SVOPL: variants seen among roughly 807,000 people sequenced by gnomAD.
The protein encoded by SVOPL is putative transporter SVOPL.
SVOPL carries 60 observed loss-of-function variants against 61.0 expected under a neutral mutation model. That is an observed-to-expected ratio of 0.98 (90% CI 0.80 to 1.22). The LOEUF (loss-of-function observed/expected upper bound fraction) is 1.22, where lower values mean the gene tolerates loss of function less well. SVOPL is among the 50% of genes most tolerant of loss of function. SVOPL has a pLI of 0.00. For missense variants in SVOPL, 662 were observed against 643.9 expected, an observed-to-expected ratio of 1.03 and a Z score of -0.30; for synonymous variants, 279 against 250.0, an observed-to-expected ratio of 1.12 and a Z score of -1.09.
chr7:138,625,682 T>C (rs944920143), intron 13 of SVOPL, among the ~76,000 whole-genome samples: 2 of 152,244 alleles, frequency 1.3e-5, no homozygotes, highest in African/African-American at 4.8e-5. Context: ...TGCAACATGT[T>C]GCTACCTATT....
chr7:138,630,443 A>C (rs1413610358), intron 9 of SVOPL, among the ~76,000 whole-genome samples: 1 of 152,186 alleles, frequency 6.6e-6, no homozygotes, highest in Non-Finnish European at 1.5e-5. Context: ...AAACATGAAA[A>C]GTGACTGTGA....
intron 13 of SVOPL, among the ~76,000 whole-genome samples, chr7:138,621,974 G>GTATC (rs1563095819): frequency 5.3e-3 from 39 of 7,370 alleles, no homozygotes; most frequent in African/African-American, 0.016. Flanking sequence ...ATCTATCTAT[G>GTATC]TATCTATCTA....
chr7:138,692,736 G>C (rs1416106737), intron 1 of SVOPL, among the ~76,000 whole-genome samples: 2 of 152,090 alleles, frequency 1.3e-5, no homozygotes, highest in Non-Finnish European at 2.9e-5. Context: ...GAGTGAGCAA[G>C]ATTTACATGG....
chr7:138,653,122 G>A (rs915222672), intron 7 of SVOPL, among the ~76,000 whole-genome samples: 2 of 152,214 alleles, frequency 1.3e-5, no homozygotes, highest in African/African-American at 4.8e-5. Flanking sequence ...AAGAGAGGTG[G>A]GGAAGCTGCT....
intron 1 of SVOPL, among the ~76,000 whole-genome samples, chr7:138,686,335 G>T (rs140225107): frequency 3.2e-4 from 48 of 151,418 alleles, no homozygotes; most frequent in African/African-American, 1.0e-3. Flanking sequence ...CCCCGGGGGG[G>T]GCGGAGGTTG....
intron 9 of SVOPL, among the ~76,000 whole-genome samples, chr7:138,637,935 G>C (rs1800576370): frequency 6.6e-6 from 1 of 152,050 alleles, no homozygotes; most frequent in Non-Finnish European, 1.5e-5. Context: ...CTGGCCAAGA[G>C]AGCGAGCCTC....
intron 9 of SVOPL, among the ~76,000 whole-genome samples, chr7:138,639,124 A>T (rs886199894): frequency 6.6e-6 from 1 of 151,968 alleles, no homozygotes; most frequent in Non-Finnish European, 1.5e-5. Flanking sequence ...GCATGGTGGC[A>T]TATGCCTGTA....
At chr7:138,610,104 G>A (rs901050359) in intron 14 of SVOPL, among the ~76,000 whole-genome samples, 1 of 152,164 alleles carries the variant, frequency 6.6e-6, no homozygotes, top group African/African-American at 2.4e-5. Flanking sequence ...TAACTGAAAA[G>A]TAACTTCTGG....
intron 13 of SVOPL, among the ~76,000 whole-genome samples, chr7:138,623,148 A>C (rs907215593): frequency 9.2e-5 from 14 of 152,136 alleles, no homozygotes; most frequent in African/African-American, 3.4e-4. Flanking sequence ...TTATTTTCTG[A>C]AAAATGAGGT....
chr7:138,672,880 C>T (rs1241239124), intron 3 of SVOPL, among the ~76,000 whole-genome samples: 5 of 140,352 alleles, frequency 3.6e-5, no homozygotes, highest in South Asian at 2.2e-4. Context: ...TTTTGCAATC[C>T]GTTATAGGGA....
Position 138,661,576 on chromosome 7 carries a change from G to T in SVOPL, c.345+1498C>A, listed in dbSNP as rs73730412. The T allele has an allele frequency of 0.014, 13,387 of 985,114 alleles. 745 individuals carry two copies. The East Asian group carries it at 0.22, about 16-fold the overall frequency. 61.0% of individuals were successfully genotyped at this position (985,114 alleles called of 1,614,324 possible). On this transcript the variant is annotated intron_variant, in intron 5 of 15. Coordinates refer to ENST00000674285, the MANE Select transcript of SVOPL (RefSeq NM_001139456.2). ...AGACTAGCTGATAAATTACCTAAAA[G>T]GTTACCGCAAGTTGCACAATGTGAC...
intron 9 of SVOPL, among the ~76,000 whole-genome samples, chr7:138,634,985 T>C (rs1800396384): frequency 6.6e-6 from 1 of 152,026 alleles, no homozygotes; most frequent in African/African-American, 2.4e-5. Context: ...AAGGTTAATA[T>C]GGGCCGGGCG....
intron 10 of SVOPL, among the ~76,000 whole-genome samples, chr7:138,629,046 A>T (rs562690299): frequency 6.6e-6 from 1 of 152,082 alleles, no homozygotes; most frequent in East Asian, 1.9e-4. Flanking sequence ...AAAACTTCAA[A>T]AATTTTTAAA....
intron 4 of SVOPL, 60 bp from the exon 5 acceptor site, chr7:138,663,205 C>T (rs566896811): frequency 2.5e-6 from 4 of 1,576,954 alleles, no homozygotes; most frequent in African/African-American, 2.7e-5. Context: ...TACTTTACCC[C>T]GTTAGCCATT....
At chr7:138,606,345 G>A (rs1798757635) in intron 14 of SVOPL, among the ~76,000 whole-genome samples, 1 of 152,040 alleles carries the variant, frequency 6.6e-6, no homozygotes, top group African/African-American at 2.4e-5. Context: ...GTGGAGAGGG[G>A]ACCCAGAAGA....
At chr7:138,624,212 A>G (rs1244370573) in intron 13 of SVOPL, among the ~76,000 whole-genome samples, 4 of 152,190 alleles carry the variant, frequency 2.6e-5, no homozygotes, top group Non-Finnish European at 5.9e-5. Context: ...AGTAAAATTT[A>G]TTGTCAAAAA....
At chr7:138,699,912 G>C (rs148290054) in intron 1 of SVOPL, among the ~76,000 whole-genome samples, 36 of 152,284 alleles carry the variant, frequency 2.4e-4, no homozygotes, top group African/African-American at 7.9e-4. Context: ...TTTGCCAAGA[G>C]GGGGAAGAAA....
chr7:138,658,076 G>A (rs77814653), intron 6 of SVOPL, among the ~76,000 whole-genome samples: 2,078 of 152,270 alleles, frequency 0.014, 41 homozygotes, highest in African/African-American at 0.046. Context: ...GTTTTAGTGG[G>A]TTTAGGCCAG....
chr7:138,628,030 C>T lies in SVOPL; in HGVS notation c.1069+128G>A, dbSNP rs897140184. Reference sequence around the variant, plus strand: ...AATCCAAACTGGAGATTTTTCAGCACTACTTGGCAACTTATTCAGTTCTGC... The same window carrying T: ...AATCCAAACTGGAGATTTTTCAGCATTACTTGGCAACTTATTCAGTTCTGC... On this transcript the variant is annotated intron_variant, in intron 11 of 15. Coordinates refer to ENST00000674285, the MANE Select transcript of SVOPL (RefSeq NM_001139456.2). 7.2e-6 allele frequency: 8 copies of T among 1,106,586 alleles called. No homozygotes were observed. In the Admixed American group the frequency reaches 1.3e-4, roughly 18 times the overall value. 68.5% of individuals were successfully genotyped at this position (1,106,586 alleles called of 1,614,324 possible). A position where few individuals can be genotyped will look rare whatever the true frequency, so the allele number is the denominator to read the frequency against.
Sources: allele counts gnomAD v4.1 joint callset (sites outside exome capture counted in the v4.1 genomes callset), GRCh38; gene constraint gnomAD v4.1.1; transcripts MANE v1.5; gene names NCBI Gene and HGNC (gene_info 2026-07-23, HGNC 2026-07-21).